PPP1R9A: variants seen among roughly 807,000 people sequenced by gnomAD.
PPP1R9A encodes the protein neurabin-1.
Under a neutral mutation model 141.9 loss-of-function variants are expected in PPP1R9A, and 59 were observed. The ratio of observed to expected loss-of-function variants is 0.42; its 90% CI spans 0.34 to 0.52. The LOEUF is 0.52. Among genes scored for constraint, PPP1R9A ranks in the 20% least tolerant of loss-of-function variants. The probability of loss-of-function intolerance (pLI) is 0.10; values close to 1 mark genes in which losing one functional copy is unlikely to be tolerated. For synonymous variants in PPP1R9A, 500 were observed against 569.7 expected, an observed-to-expected ratio of 0.88 and a Z score of 1.74; for missense variants, 1,444 against 1,611.9, an observed-to-expected ratio of 0.90 and a Z score of 1.78.
intron 10 of PPP1R9A, 52 bp from the exon 11 acceptor site, chr7:95,251,710 C>A (rs1285117516): frequency 2.0e-6 from 3 of 1,513,142 alleles, no homozygotes; most frequent in Non-Finnish European, 2.7e-6. Context: ...CAGATAAGAA[C>A]TTTCATTTAT....
At chr7:95,171,089 TAAAG>T (rs1215203377) in intron 5 of PPP1R9A, among the ~76,000 whole-genome samples, 1 of 151,234 alleles carries the variant, frequency 6.6e-6, no homozygotes, top group African/African-American at 2.4e-5. Flanking sequence ...GTTATACCAA[TAAAG>T]AGTTATACAA....
chr7:95,243,706 T>C (rs1415937171), intron 8 of PPP1R9A, among the ~76,000 whole-genome samples: 1 of 152,138 alleles, frequency 6.6e-6, no homozygotes, highest in Non-Finnish European at 1.5e-5. Flanking sequence ...ATCACCTGTT[T>C]CTAGTGGGAA....
chr7:95,078,528 T>C (rs367695188), intron 2 of PPP1R9A, among the ~76,000 whole-genome samples: 2 of 152,110 alleles, frequency 1.3e-5, no homozygotes, highest in Non-Finnish European at 2.9e-5. Flanking sequence ...ATGGTATTTC[T>C]AGTTCTAGAT....
At chr7:95,191,066 T>C (rs970396838) in intron 5 of PPP1R9A, among the ~76,000 whole-genome samples, 2 of 152,232 alleles carry the variant, frequency 1.3e-5, no homozygotes, top group African/African-American at 4.8e-5. Flanking sequence ...ATGGAACATG[T>C]AGAATCTTTA....
intron 4 of PPP1R9A, among the ~76,000 whole-genome samples, chr7:95,145,705 A>G (rs751979323): frequency 3.3e-5 from 5 of 151,880 alleles, no homozygotes; most frequent in South Asian, 2.1e-4. Context: ...CTGTGCCCCT[A>G]TGTTCTCATT....
intron 6 of PPP1R9A, among the ~76,000 whole-genome samples, chr7:95,199,955 C>T (rs1332783942): frequency 1.3e-5 from 2 of 151,870 alleles, no homozygotes; most frequent in Non-Finnish European, 2.9e-5. Flanking sequence ...GATTTTTGGT[C>T]TTAGGTTCAG....
intron 3 of PPP1R9A, among the ~76,000 whole-genome samples, chr7:95,117,638 C>T (rs1169454611): frequency 6.6e-6 from 1 of 152,086 alleles, no homozygotes; most frequent in African/African-American, 2.4e-5. Context: ...GTAATTTTCA[C>T]TCAAGATAGT....
intron 2 of PPP1R9A, among the ~76,000 whole-genome samples, chr7:95,040,321 A>C (rs1409567602): frequency 1.3e-5 from 2 of 152,046 alleles, no homozygotes; most frequent in African/African-American, 4.8e-5. Flanking sequence ...GGTACCAAAA[A>C]AAAAAAGTGC....
intron 2 of PPP1R9A, among the ~76,000 whole-genome samples, chr7:94,956,826 A>G (rs1797125450): frequency 6.6e-6 from 1 of 152,154 alleles, no homozygotes; most frequent in Admixed American, 6.6e-5. Flanking sequence ...TCAGTCTTCC[A>G]TTAATGTTTT....
At chr7:95,206,746 T>G (rs956683846) in intron 7 of PPP1R9A, among the ~76,000 whole-genome samples, 1 of 152,356 alleles carries the variant, frequency 6.6e-6, no homozygotes, top group African/African-American at 2.4e-5. Context: ...CTTGAACTGC[T>G]TCTTTCACTC....
At chr7:95,160,382 A>G (rs936305719) in intron 4 of PPP1R9A, among the ~76,000 whole-genome samples, 5 of 152,170 alleles carry the variant, frequency 3.3e-5, no homozygotes, top group Admixed American at 6.5e-5. Context: ...GTTATTAAGG[A>G]CAAAAATGAT....
At chr7:95,151,815 T>G (rs1828723747) in intron 4 of PPP1R9A, among the ~76,000 whole-genome samples, 1 of 152,064 alleles carries the variant, frequency 6.6e-6, no homozygotes, top group Non-Finnish European at 1.5e-5. Context: ...AAGGAAAGTT[T>G]ATTAATTTCC....
At chr7:95,001,463 GGTAA>G (rs1802916753) in intron 2 of PPP1R9A, among the ~76,000 whole-genome samples, 1 of 152,088 alleles carries the variant, frequency 6.6e-6, no homozygotes, top group Non-Finnish European at 1.5e-5. Flanking sequence ...AAATCTTTAT[GGTAA>G]ATGAGAGCCT....
chr7:95,061,603 G>A (rs1180011863), intron 2 of PPP1R9A, among the ~76,000 whole-genome samples: 1 of 152,094 alleles, frequency 6.6e-6, no homozygotes, highest in African/African-American at 2.4e-5. Context: ...AGATGTGGTG[G>A]TGCACACCCG....
At chr7:95,080,065 A>G (rs1356827968) in intron 2 of PPP1R9A, among the ~76,000 whole-genome samples, 1 of 152,130 alleles carries the variant, frequency 6.6e-6, no homozygotes, top group Non-Finnish European at 1.5e-5. Context: ...CCTATTCAAC[A>G]TAGTGTTGGA....
intron 2 of PPP1R9A, 71 bp downstream of exon 2, chr7:94,911,579 G>C: frequency 8.1e-7 from 1 of 1,227,650 alleles, no homozygotes; most frequent in Admixed American, 2.3e-5. Flanking sequence ...ATGTAGAATA[G>C]ACTTGACAAC....
chr7:95,114,862 G>A (rs1171168584), intron 3 of PPP1R9A, among the ~76,000 whole-genome samples: 12 of 147,106 alleles, frequency 8.2e-5, no homozygotes, highest in Non-Finnish European at 1.5e-4. Context: ...AAACCATCGT[G>A]GAAAGGATTA....
At chr7:95,165,149 T>A (rs998084418) in intron 5 of PPP1R9A, among the ~76,000 whole-genome samples, 4 of 152,236 alleles carry the variant, frequency 2.6e-5, no homozygotes, top group African/African-American at 9.6e-5. Flanking sequence ...ATAGCATTCA[T>A]TTACTGATCC....
intron 2 of PPP1R9A, among the ~76,000 whole-genome samples, chr7:95,000,435 G>A (rs190452859): frequency 5.3e-5 from 8 of 151,890 alleles, no homozygotes; most frequent in Admixed American, 5.2e-4. Flanking sequence ...TTCTAACATT[G>A]GTACTTAGTA....
Sources: gnomAD v4.1 joint callset for allele counts (sites outside exome capture counted in the v4.1 genomes callset) on GRCh38, gnomAD v4.1.1 for gene constraint, MANE v1.5 for transcripts, NCBI Gene and HGNC (gene_info 2026-07-23, HGNC 2026-07-21) for gene names.